AMPH: variants seen among roughly 807,000 people sequenced by gnomAD.
The protein encoded by AMPH is amphiphysin (Stiff-Mann syndrome with breast cancer 128kD autoantigen).
Under a neutral mutation model 99.1 loss-of-function variants are expected in AMPH, and 49 were observed. The ratio of observed to expected loss-of-function variants is 0.49; its 90% CI spans 0.39 to 0.63. The LOEUF (loss-of-function observed/expected upper bound fraction) is 0.63. Among genes scored for constraint, AMPH ranks in the 20% least tolerant of loss-of-function variants. The probability of loss-of-function intolerance (pLI) is 0.00; values close to 1 mark genes in which losing one functional copy is unlikely to be tolerated. For synonymous variants in AMPH, 314 were observed against 317.3 expected (o/e 0.99, Z 0.11); for missense variants, 759 against 863.4 (o/e 0.88, Z 1.52).
At chr7:38,616,193 C>T (rs887881037) in intron 1 of AMPH, among the ~76,000 whole-genome samples, 4 of 152,142 alleles carry the variant, frequency 2.6e-5, no homozygotes, top group Admixed American at 6.5e-5. Flanking sequence ...CACTCCCCCA[C>T]CTGATTCAAA....
rs187371320 is a variant in AMPH, at chr7:38,430,610, A to G, written c.1159-745T>C. On this transcript the variant is annotated intron_variant, in intron 13 of 20. Transcript: ENST00000356264. ...AATGTGTTACAGTTCCACTAAAGAT[A>G]TAAAATATTGGAATAACAAAAAATA... is the stretch of plus-strand genomic sequence containing the variant. 2.2e-3 allele frequency among the ~76,000 whole-genome samples: 334 copies of G among 152,370 alleles called. 2 individuals are homozygous for G. The highest frequency in any genetic ancestry group is 0.01 in the Middle Eastern group (3 of 294).
At chr7:38,543,780 T>C (rs1476160711) in intron 1 of AMPH, among the ~76,000 whole-genome samples, 4 of 152,176 alleles carry the variant, frequency 2.6e-5, no homozygotes, top group Non-Finnish European at 5.9e-5. Context: ...TCCCAAAATG[T>C]GTTCCATGGG....
chr7:38,543,242 T>C (rs1312938561), intron 1 of AMPH, among the ~76,000 whole-genome samples: 1 of 151,986 alleles, frequency 6.6e-6, no homozygotes, highest in Non-Finnish European at 1.5e-5. Flanking sequence ...GGGTGAGAGA[T>C]CAAGACCCTA....
chr7:38,569,041 G>T (rs1424015277), intron 1 of AMPH, among the ~76,000 whole-genome samples: 7 of 152,152 alleles, frequency 4.6e-5, no homozygotes, highest in Admixed American at 2.6e-4. Flanking sequence ...CAACAGCAAA[G>T]TCCATGCTGT....
chr7:38,463,592 C>T (rs1360069277), intron 9 of AMPH, among the ~76,000 whole-genome samples: 1 of 152,132 alleles, frequency 6.6e-6, no homozygotes, highest in Admixed American at 6.5e-5. Flanking sequence ...AAAATTGTAA[C>T]TTTTATATTA....
chr7:38,435,666 A>C (rs1352508917), intron 12 of AMPH, among the ~76,000 whole-genome samples: 2 of 152,196 alleles, frequency 1.3e-5, no homozygotes, highest in Non-Finnish European at 2.9e-5. Context: ...CAGTTACTAT[A>C]AGAAAGGAAG....
chr7:38,547,436 T>C (rs370093814), intron 1 of AMPH, among the ~76,000 whole-genome samples: 2 of 152,182 alleles, frequency 1.3e-5, no homozygotes, highest in Non-Finnish European at 2.9e-5. Context: ...ACAACTTGCA[T>C]GCTAAGCAAG....
chr7:38,592,044 G>C (rs1792875973), intron 1 of AMPH, among the ~76,000 whole-genome samples: 1 of 79,260 alleles, frequency 1.3e-5, no homozygotes, highest in Non-Finnish European at 3.4e-5. Context: ...GTGATAAACA[G>C]TTTCTATTAT....
Position 38,594,123 on chromosome 7 carries a change from T to C in AMPH, c.69+37160A>G, listed in dbSNP as rs115517078. Among the ~76,000 whole-genome samples the C allele has an allele frequency of 4.0e-3, 606 of 152,170 alleles. 3 individuals are homozygous for C. The highest frequency in any genetic ancestry group is 0.014 in the African/African-American group (577 of 41,490). ...CGAAGCTGGGAGACCAGTTCCATAATCAGGTAAGAGATGATGGTGCCCTGG... is the reference window on the plus strand; with the variant it reads ...CGAAGCTGGGAGACCAGTTCCATAACCAGGTAAGAGATGATGGTGCCCTGG... On this transcript the variant is annotated intron_variant, in intron 1 of 20. Coordinates refer to ENST00000356264, the MANE Select transcript of AMPH (RefSeq NM_001635.4).
chr7:38,397,675 G>A (rs1363727452), intron 17 of AMPH, among the ~76,000 whole-genome samples: 2 of 152,144 alleles, frequency 1.3e-5, no homozygotes, highest in South Asian at 2.1e-4. Flanking sequence ...ATTACGTCAA[G>A]TTAAAAAGCC....
intron 11 of AMPH, among the ~76,000 whole-genome samples, chr7:38,438,529 A>C (rs1368064290): frequency 1.0e-5 from 1 of 99,242 alleles, no homozygotes; most frequent in Non-Finnish European, 2.2e-5. Flanking sequence ...AAGTTCTGCA[A>C]GTTCTCCATA....
intron 5 of AMPH, among the ~76,000 whole-genome samples, chr7:38,486,776 T>C (rs887954172): frequency 6.6e-6 from 1 of 152,006 alleles, no homozygotes; most frequent in South Asian, 2.1e-4. Context: ...GTTTAACATA[T>C]GAGAATCAAT....
intron 5 of AMPH, among the ~76,000 whole-genome samples, chr7:38,477,566 T>C (rs1030373106): frequency 5.3e-5 from 8 of 152,170 alleles, no homozygotes; most frequent in Admixed American, 4.6e-4. Flanking sequence ...TGGGTCAACA[T>C]TGGAAGCCAT....
intron 1 of AMPH, among the ~76,000 whole-genome samples, chr7:38,562,679 G>A: frequency 6.6e-6 from 1 of 151,452 alleles, no homozygotes. Context: ...GGAGGGAGAG[G>A]AGAGGGGTAT....
intron 1 of AMPH, among the ~76,000 whole-genome samples, chr7:38,602,405 A>T (rs1793280126): frequency 6.6e-6 from 1 of 152,172 alleles, no homozygotes; most frequent in Non-Finnish European, 1.5e-5. Context: ...GCTAACATCG[A>T]GCTGTCGGCA....
At chr7:38,402,875 T>C (rs191805192) in intron 17 of AMPH, among the ~76,000 whole-genome samples, 1 of 152,344 alleles carries the variant, frequency 6.6e-6, no homozygotes, top group Admixed American at 6.5e-5. Flanking sequence ...TTTTTCTATA[T>C]GCTGGGTTTT....
intron 12 of AMPH, among the ~76,000 whole-genome samples, chr7:38,432,561 T>G (rs942670077): frequency 1.3e-5 from 2 of 148,898 alleles, no homozygotes; most frequent in African/African-American, 5.0e-5. Flanking sequence ...AAAACTATAT[T>G]TGAAACACAA....
intron 17 of AMPH, among the ~76,000 whole-genome samples, chr7:38,413,000 A>C (rs1203781030): frequency 6.6e-6 from 1 of 152,176 alleles, no homozygotes; most frequent in Non-Finnish European, 1.5e-5. Context: ...TTCTGACATG[A>C]GGCAACACTG....
intron 11 of AMPH, among the ~76,000 whole-genome samples, chr7:38,451,085 G>A (rs1482715344): frequency 2.0e-5 from 3 of 150,422 alleles, no homozygotes; most frequent in Non-Finnish European, 1.5e-5. Context: ...TAGAGACAGG[G>A]TCTCACTGTG....
Sources: allele counts gnomAD v4.1 joint callset (sites outside exome capture counted in the v4.1 genomes callset), GRCh38; gene constraint gnomAD v4.1.1; transcripts MANE v1.5; gene names NCBI Gene and HGNC (gene_info 2026-07-23, HGNC 2026-07-21).